Variants in TMEM209 observed in about 807,000 individuals in gnomAD.
TMEM209 encodes the protein testicular tissue protein Li 202.
In TMEM209, 65 loss-of-function variants were observed where a neutral mutation model predicts 76.2. The ratio of observed to expected loss-of-function variants is 0.85; its 90% confidence interval spans 0.70 to 1.05. TMEM209 has a LOEUF of 1.05. Among genes scored for constraint, TMEM209 ranks in the 50% least tolerant of loss-of-function variants. The probability of loss-of-function intolerance (pLI) is 0.00; values close to 1 mark genes in which losing one functional copy is unlikely to be tolerated. For synonymous variants in TMEM209, 239 were observed against 237.6 expected, an observed-to-expected ratio of 1.01 and a Z score of -0.06; for missense variants, 623 against 685.5, an observed-to-expected ratio of 0.91 and a Z score of 1.02.
intron 1 of TMEM209, chr7:130,204,828 A>AG (rs1798375523): frequency 1.6e-6 from 1 of 616,928 alleles, no homozygotes; most frequent in African/African-American, 2.0e-5. Context: ...ATCTGCTGTA[A>AG]GTCATAAAGA....
At position 130,184,230 on chromosome 7, in the gene TMEM209, C is replaced by G; in HGVS notation, c.977G>C (p.Arg326Thr). ...EEVWARVAMN[R>T]QLLDHMDSWT... ...TGAATCCATATGATCAAGAAGTTGTCTATTCATAGCCACTCTTGCCCAGAC... is the reference window on the plus strand; with the variant it reads ...TGAATCCATATGATCAAGAAGTTGTGTATTCATAGCCACTCTTGCCCAGAC... The change falls in exon 8 of 15, where the codon AGA becomes ACA. Residue 326 changes from arginine to threonine, a missense_variant. By Grantham distance (71) the Arg-to-Thr change is moderately conservative (BLOSUM62 -1). Coordinates refer to ENST00000397622, the MANE Select transcript of TMEM209 (RefSeq NM_032842.4). 6.2e-7 allele frequency: 1 copy of G among 1,607,414 alleles called. No homozygotes were observed. The highest frequency in any genetic ancestry group is 1.1e-5 in the South Asian group (1 of 89,624).
chr7:130,191,229 T>G (rs1444094299), intron 6 of TMEM209, among the ~76,000 whole-genome samples: 1 of 151,176 alleles, frequency 6.6e-6, no homozygotes, highest in African/African-American at 2.4e-5. Context: ...GCCTAAGAGA[T>G]AAAGATAAGT....
intron 10 of TMEM209, among the ~76,000 whole-genome samples, chr7:130,176,922 G>T (rs1164632160): frequency 6.6e-6 from 1 of 151,752 alleles, no homozygotes; most frequent in African/African-American, 2.4e-5. Context: ...GGAGGCTGAG[G>T]AGGGAGGATT....
chr7:130,185,981 A>C (rs1205380674), intron 6 of TMEM209, among the ~76,000 whole-genome samples: 1 of 152,226 alleles, frequency 6.6e-6, no homozygotes, highest in Admixed American at 6.5e-5. Context: ...CTGAACCAGG[A>C]TATTAATCAC....
In TMEM209 at chr7:130,173,826, T is replaced by G; in HGVS notation, c.1458A>C (p.Pro486=). The G allele has an allele frequency of 2.5e-6, 4 of 1,613,088 alleles. No individual in the cohort carries two copies. Among genetic ancestry groups the G allele is most frequent in the Non-Finnish European group, 2.5e-6 (3 of 1,179,056 alleles). The part of the protein sequence containing the change: ...SQHFVQTPNK[P]DVTNENVFCI... ...CATTCTTTTAGGAGAGGTTTATACC[T>G]GGTTTATTTGGTGTCTGAACAAAGT... Residue 486 remains proline (P), a splice_region_variant and synonymous_variant, in exon 12 of 15, where the codon CCA becomes CCC. Transcript: ENST00000397622.
At chr7:130,170,629 G>A (rs1797037337) in intron 13 of TMEM209, among the ~76,000 whole-genome samples, 156 bp from the exon 14 acceptor site, 1 of 152,130 alleles carries the variant, frequency 6.6e-6, no homozygotes, top group African/African-American at 2.4e-5. Flanking sequence ...TACGCTTTGT[G>A]CTAGGAAGTG....
rs1333890250 is a variant in TMEM209, at chr7:130,178,411, T to C, written c.1237A>G (p.Arg413Gly). The C allele has an allele frequency of 5.6e-6, 9 of 1,610,648 alleles. No homozygotes were observed. Among genetic ancestry groups the C allele is most frequent in the African/African-American group, 1.3e-5 (1 of 75,022 alleles). Residue 413 changes from arginine to glycine, a missense_variant, in exon 10 of 15, where the codon AGG (arginine) becomes GGG (glycine). Arg to Gly is a moderately radical substitution (Grantham distance 125). Transcript: ENST00000397622. ...TCAAATCAATAATTACCTTTGATCCTTTCAAACAAGTATTCCTGATTTGGA... is the reference window on the plus strand; with the variant it reads ...TCAAATCAATAATTACCTTTGATCCCTTCAAACAAGTATTCCTGATTTGGA... ...LTPNQEYLFE[R>G]IKELSQGGCM...
At chr7:130,181,829 T>C in intron 8 of TMEM209, 110 bp from the exon 9 acceptor site, 1 of 772,844 alleles carries the variant, frequency 1.3e-6, no homozygotes, top group Non-Finnish European at 2.1e-6. Context: ...ATCTTATAGT[T>C]GAATATTAAA....
At chr7:130,185,395 G>C (rs1487853470) in intron 6 of TMEM209, 28 bp from the exon 7 acceptor site, 3 of 1,599,548 alleles carry the variant, frequency 1.9e-6, no homozygotes, top group Non-Finnish European at 2.6e-6. Context: ...AACAGTATCA[G>C]TGTGTTGTAG....
chr7:130,184,101 AT>A, intron 8 of TMEM209, 82 bp downstream of exon 8: 1 of 925,348 alleles, frequency 1.1e-6, no homozygotes, highest in Non-Finnish European at 1.6e-6. Context: ...CTAATTTATA[AT>A]GAACTCTAAA....
At chr7:130,170,753 G>A (rs1164497214) in intron 13 of TMEM209, among the ~76,000 whole-genome samples, 1 of 151,928 alleles carries the variant, frequency 6.6e-6, no homozygotes, top group Non-Finnish European at 1.5e-5. Context: ...GCTATGAGAG[G>A]AGGTGCCATA....
chr7:130,201,801 C>T (rs761456352), intron 5 of TMEM209, 49 bp downstream of exon 5: 39 of 1,605,164 alleles, frequency 2.4e-5, no homozygotes, highest in Non-Finnish European at 3.3e-5. Context: ...TTTTAGTATA[C>T]CTCTCAATTC....
intron 14 of TMEM209, among the ~76,000 whole-genome samples, chr7:130,168,286 C>A (rs1241371740): frequency 6.6e-6 from 1 of 152,112 alleles, no homozygotes; most frequent in Non-Finnish European, 1.5e-5. Context: ...CCGAAATGCT[C>A]CAAAACCCAA....
At chr7:130,175,726 C>G in intron 10 of TMEM209, 117 bp from the exon 11 acceptor site, 1 of 733,590 alleles carries the variant, frequency 1.4e-6, no homozygotes, top group Non-Finnish European at 2.2e-6. Context: ...ATCAAAACAC[C>G]CAAACCTAAA....
chr7:130,174,220 G>C lies in TMEM209; in HGVS notation c.1345-281C>G, dbSNP rs1797166565. ...ACTAATTCCTCTCTTAAATCATAAAGGAATTCAGTGTGTTTAAGACATGAA... is the reference window on the plus strand; with the variant it reads ...ACTAATTCCTCTCTTAAATCATAAACGAATTCAGTGTGTTTAAGACATGAA... On this transcript the variant is annotated intron_variant, in intron 11 of 14. Coordinates refer to ENST00000397622, the MANE Select transcript of TMEM209 (RefSeq NM_032842.4). Among the ~76,000 whole-genome samples, 4 of 152,080 alleles carry C rather than the reference G, an allele frequency of 2.6e-5. No homozygotes were observed. In the South Asian group the frequency reaches 8.3e-4, roughly 31 times the overall value.
At chr7:130,195,395 A>G (rs1192672700) in intron 5 of TMEM209, among the ~76,000 whole-genome samples, 1 of 152,084 alleles carries the variant, frequency 6.6e-6, no homozygotes, top group Non-Finnish European at 1.5e-5. Flanking sequence ...TGAAACTCCT[A>G]TTGGATCTAA....
Position 130,203,855 on chromosome 7 carries a change from A to G in TMEM209, c.141-9T>C. 6.2e-7 allele frequency: 1 copy of G among 1,600,038 alleles called. No homozygotes were observed. The highest frequency in any genetic ancestry group is 8.5e-7 in the Non-Finnish European group (1 of 1,172,622). On this transcript the variant is annotated splice_polypyrimidine_tract_variant and intron_variant, in intron 2 of 14. Coordinates refer to ENST00000397622, the MANE Select transcript of TMEM209 (RefSeq NM_032842.4). ...TAATCAATTTTCCAGTCCTGAAAAA[A>G]AATTAGAAAGGCTTTCCAGTGAACC...
intron 5 of TMEM209, among the ~76,000 whole-genome samples, chr7:130,201,549 G>A (rs1325414970): frequency 1.3e-5 from 2 of 151,908 alleles, no homozygotes; most frequent in Non-Finnish European, 2.9e-5. Context: ...GAAAGCAAGA[G>A]GGAAAACAGG....
At chr7:130,182,341 T>C (rs978193221) in intron 8 of TMEM209, among the ~76,000 whole-genome samples, 2 of 152,226 alleles carry the variant, frequency 1.3e-5, no homozygotes, top group African/African-American at 4.8e-5. Context: ...AATTTTCTGA[T>C]TATTATGTTT....
Sources: allele counts gnomAD v4.1 joint callset (sites outside exome capture counted in the v4.1 genomes callset), GRCh38; gene constraint gnomAD v4.1.1; transcripts MANE v1.5; gene names NCBI Gene and HGNC (gene_info 2026-07-23, HGNC 2026-07-21).